HEATR5B: variants seen among roughly 807,000 people sequenced by gnomAD.
The protein encoded by HEATR5B is HEAT repeat containing 5B, also known as HEAT repeat-containing protein 5B.
In HEATR5B, 156 loss-of-function variants were observed where a neutral mutation model predicts 224.1. The ratio of observed to expected loss-of-function variants is 0.70; its 90% CI spans 0.61 to 0.80. The LOEUF is 0.80. Ranked by LOEUF, HEATR5B falls within the 30% of genes least tolerant of loss-of-function variation. The pLI is 0.00. For synonymous variants in HEATR5B, 1,027 were observed against 893.0 expected, an observed-to-expected ratio of 1.15 and a Z score of -2.68; for missense variants, 2,323 against 2,535.5, an observed-to-expected ratio of 0.92 and a Z score of 1.80.
At chr2:37,082,535 G>A (rs1672651180) in intron 2 of HEATR5B, among the ~76,000 whole-genome samples, 1 of 152,196 alleles carries the variant, frequency 6.6e-6, no homozygotes, top group South Asian at 2.1e-4. Flanking sequence ...TGAGGGCAAG[G>A]AACACCTGGC....
chr2:37,010,762 T>A (rs1217437181), intron 27 of HEATR5B, among the ~76,000 whole-genome samples: 1 of 151,992 alleles, frequency 6.6e-6, no homozygotes, highest in Admixed American at 6.6e-5. Flanking sequence ...GATCCATCCT[T>A]CTCAGCCTCC....
At chr2:37,054,762 T>C (rs1187009948) in intron 16 of HEATR5B, among the ~76,000 whole-genome samples, 1 of 152,100 alleles carries the variant, frequency 6.6e-6, no homozygotes, top group Non-Finnish European at 1.5e-5. Flanking sequence ...GGATAACAGG[T>C]GTGAGCCACA....
intron 26 of HEATR5B, among the ~76,000 whole-genome samples, chr2:37,017,683 G>A (rs1176594230): frequency 7.3e-4 from 50 of 68,298 alleles, no homozygotes; most frequent in Non-Finnish European, 4.4e-4. Context: ...GCAAAATTCC[G>A]TCTCAAAAAA....
At chr2:37,074,602 G>C (rs1672115012) in intron 5 of HEATR5B, among the ~76,000 whole-genome samples, 1 of 152,090 alleles carries the variant, frequency 6.6e-6, no homozygotes, top group African/African-American at 2.4e-5. Flanking sequence ...GCACTGTTTA[G>C]AGAATAAAGA....
chr2:37,072,276 T>C lies in HEATR5B; in HGVS notation c.603A>G (p.Leu201=). The change falls in exon 6 of 36, where the codon CTA becomes CTG. Residue 201 remains leucine, a synonymous_variant. Transcript: ENST00000233099. Reference sequence around the variant, plus strand: ...ATACAGCTTCATTCTGTAGTTCTAGTAGACACTGGAATTAAAAACAAAAAA... The same window carrying C: ...ATACAGCTTCATTCTGTAGTTCTAGCAGACACTGGAATTAAAAACAAAAAA... ...MAVRCAVAKC[L]LELQNEAVFM... 1 of 1,602,872 alleles carries C rather than the reference T, an allele frequency of 6.2e-7. No homozygotes were observed. Among genetic ancestry groups the C allele is most frequent in the Non-Finnish European group, 8.5e-7 (1 of 1,172,880 alleles).
Position 37,072,153 on chromosome 2 carries a change from T to C in HEATR5B, c.726A>G (p.Leu242=). The C allele has an allele frequency of 1.2e-6, 2 of 1,614,120 alleles. No homozygotes were observed. The highest frequency in any genetic ancestry group is 1.7e-6 in the Non-Finnish European group (2 of 1,179,980). The change falls in exon 6 of 36, where the codon TTA becomes TTG. Residue 242 remains leucine, a synonymous_variant. Transcript: ENST00000233099. ...YGVRVAVSKL[L]GTVMATALMP... ...TTAATGCTGTGGCCATGACTGTTCC[T>C]AAAAGTTTAGACACTGCCACTCGTA...
Position 37,053,476 on chromosome 2 carries a change from G to C in HEATR5B, c.2505+26C>G, listed in dbSNP as rs1386317434. ...ATGCATTAATTAAAAACTTATTTCA[G>C]AATAGTATGTATTAAAAGTAAATAC... On this transcript the variant is annotated intron_variant, in intron 17 of 35. Coordinates refer to ENST00000233099, the MANE Select transcript of HEATR5B (RefSeq NM_019024.3). 8 of 1,305,276 alleles carry C rather than the reference G, an allele frequency of 6.1e-6. No individual in the cohort carries two copies. In the South Asian group the frequency reaches 1.1e-4, roughly 17 times the overall value. The allele number at this position is 1,305,276 out of a possible 1,614,324, so 80.9% of individuals were successfully genotyped here. A position where few individuals can be genotyped will look rare whatever the true frequency, so the allele number is the denominator to read the frequency against.
chr2:37,028,642 C>T lies in HEATR5B; in HGVS notation c.3601+39G>A, dbSNP rs942819887. The T allele has an allele frequency of 3.8e-6, 6 of 1,573,362 alleles. 1 individual carries two copies. Among genetic ancestry groups the T allele is most frequent in the Non-Finnish European group, 8.7e-7 (1 of 1,148,030 alleles). On this transcript the variant is annotated intron_variant, in intron 23 of 35. Coordinates refer to ENST00000233099, the MANE Select transcript of HEATR5B (RefSeq NM_019024.3). ...CTATATGTATATATCAGAAGTAAAA[C>T]AATTTCCATTATTTTAAGAACGCAC...
Position 37,013,952 on chromosome 2 carries a change from A to G in HEATR5B, c.4173T>C (p.Leu1391=). 1 of 1,612,956 alleles carries G rather than the reference A, an allele frequency of 6.2e-7. No homozygotes were observed. The highest frequency in any genetic ancestry group is 8.5e-7 in the Non-Finnish European group (1 of 1,179,290). ...GAACTTTGTCCAGAGAAGAAACAAG[A>G]AGATTGTGTACTCGACGGAGATCAT... ...DLNDLRRVHN[L]LVSSLDKVQA... is the part of the protein sequence containing the mutation. Residue 1391 remains leucine (L), a synonymous_variant, in exon 27 of 36, where the codon CTT becomes CTC. Transcript: ENST00000233099.
intron 33 of HEATR5B, among the ~76,000 whole-genome samples, chr2:36,993,399 C>T (rs987873343): frequency 4.0e-5 from 6 of 151,862 alleles, no homozygotes; most frequent in Admixed American, 2.0e-4. Context: ...TAGCCAGGAA[C>T]GGTGGCGGAC....
chr2:37,003,427 C>A (rs1445244040), intron 31 of HEATR5B, 115 bp downstream of exon 31: 1 of 725,400 alleles, frequency 1.4e-6, no homozygotes, highest in Non-Finnish European at 2.1e-6. Context: ...CCGAATGAGA[C>A]CCTGCCTCTA....
At chr2:36,986,646 C>T (rs1334464661) in intron 35 of HEATR5B, among the ~76,000 whole-genome samples, 2 of 152,096 alleles carry the variant, frequency 1.3e-5, no homozygotes, top group African/African-American at 4.8e-5. Context: ...GAGATGGAGT[C>T]TCGCTCTGTC....
Position 37,040,335 on chromosome 2 carries a change from G to A in HEATR5B, c.3040C>T (p.Leu1014=). The A allele has an allele frequency of 6.2e-7, 1 of 1,612,264 alleles. No individual in the cohort carries two copies. The highest frequency in any genetic ancestry group is 8.5e-7 in the Non-Finnish European group (1 of 1,178,940). The change falls in exon 20 of 36, where the codon CTA becomes TTA. Residue 1014 remains leucine, a synonymous_variant. Transcript: ENST00000233099. ...GAIITTVGPE[L]QGNGATTSTI... Reference sequence around the variant, plus strand: ...TTTCAGATGATTTACTTACCTTGTAGTTCAGGGCCAACAGTAGTTATTATA... The same window carrying A: ...TTTCAGATGATTTACTTACCTTGTAATTCAGGGCCAACAGTAGTTATTATA...
At chr2:36,988,202 A>G (rs1666075200) in intron 35 of HEATR5B, among the ~76,000 whole-genome samples, 1 of 152,020 alleles carries the variant, frequency 6.6e-6, no homozygotes, top group Non-Finnish European at 1.5e-5. Context: ...CCTGCTCAAA[A>G]ACAAACAAAG....
chr2:37,058,690 T>C (rs924719421), intron 13 of HEATR5B, 130 bp from the exon 14 acceptor site: 12 of 707,586 alleles, frequency 1.7e-5, no homozygotes, highest in Non-Finnish European at 2.6e-5. Flanking sequence ...GCTTATGTTG[T>C]GATCTTTGCT....
At chr2:36,990,266 T>C (rs868756957) in intron 34 of HEATR5B, among the ~76,000 whole-genome samples, 1 of 152,196 alleles carries the variant, frequency 6.6e-6, no homozygotes, top group Non-Finnish European at 1.5e-5. Context: ...GACTCTGACA[T>C]TGTAAAATAA....
intron 2 of HEATR5B, among the ~76,000 whole-genome samples, chr2:37,082,497 G>T (rs1208046880): frequency 2.0e-5 from 3 of 152,284 alleles, no homozygotes; most frequent in African/African-American, 7.2e-5. Flanking sequence ...ACTGTGACAT[G>T]TTCATGATGG....
In HEATR5B at chr2:37,064,961, G is replaced by A; in HGVS notation, c.1363C>T (p.Leu455Phe). Reference sequence around the variant, plus strand: ...AGTCGGGCAGCCATGCTTGGATGAAGCAGCACTGAAGTCACAATCTCCAAA... The same window carrying A: ...AGTCGGGCAGCCATGCTTGGATGAAACAGCACTGAAGTCACAATCTCCAAA... ...GLLEIVTSVLLHPSMAARLAA... is the reference protein window; with the variant it reads ...GLLEIVTSVLFHPSMAARLAA... The change falls in exon 10 of 36, where the codon CTT becomes TTT. Residue 455 changes from leucine (L) to phenylalanine (F), a missense_variant. Around this residue, in one of 12 missense-constraint regions of HEATR5B, gnomAD observed 502 missense variants for 517.8 expected, o/e 0.97. Transcript: ENST00000233099. 6.2e-7 allele frequency: 1 copy of A among 1,614,014 alleles called. No homozygotes were observed. The highest frequency in any genetic ancestry group is 1.7e-5 in the Admixed American group (1 of 59,988).
chr2:37,038,106 T>G (rs1669623964), intron 20 of HEATR5B, 82 bp from the exon 21 acceptor site: 8 of 924,122 alleles, frequency 8.7e-6, no homozygotes, highest in South Asian at 2.8e-5. Context: ...AATTATCCTC[T>G]AAATAACCAT....
Sources: gnomAD v4.1 joint callset for allele counts (sites outside exome capture counted in the v4.1 genomes callset) on GRCh38, gnomAD v4.1.1 for gene constraint, gnomAD v4.1.1 regional missense constraint, MANE v1.5 for transcripts, NCBI Gene and HGNC (gene_info 2026-07-23, HGNC 2026-07-21) for gene names.